OBI1: variants seen among roughly 807,000 people sequenced by gnomAD.
OBI1 encodes ring finger protein 219.
A neutral mutation model predicts 62.4 loss-of-function variants in OBI1; 59 were observed. That is an observed-to-expected ratio of 0.95 (90% confidence interval 0.77 to 1.17). The LOEUF (loss-of-function observed/expected upper bound fraction) is 1.17, where lower values mean the gene tolerates loss of function less well. Among genes scored for constraint, OBI1 ranks in the 50% most tolerant of loss-of-function variants. OBI1 has a pLI of 0.00. For missense variants in OBI1, 875 were observed against 830.9 expected (o/e 1.05, Z -0.65); for synonymous variants, 302 against 292.8 (o/e 1.03, Z -0.32).
chr13:78,642,171 C>T lies in OBI1; in HGVS notation c.251G>A (p.Arg84Lys), dbSNP rs1876236406. ...ESEPMLSHTV[R>K]KHLRKTRLEL... The stretch of plus-strand genomic sequence containing the variant: ...AAGTCTAGTTTTCCGAAGATGCTTC[C>T]TGACCGTATGGCTTAGCATAGGTTC... Residue 84 changes from arginine (R) to lysine (K), a missense_variant, in exon 3 of 6, where the codon AGG becomes AAG. Coordinates refer to ENST00000282003, the MANE Select transcript of OBI1 (RefSeq NM_024546.4). 1 of 1,610,790 alleles carries T rather than the reference C, an allele frequency of 6.2e-7. No homozygotes were observed. Among genetic ancestry groups the T allele is most frequent in the South Asian group, 1.1e-5 (1 of 90,918 alleles).
chr13:78,655,344 C>A (rs200325518), intron 1 of OBI1, among the ~76,000 whole-genome samples: 2 of 150,918 alleles, frequency 1.3e-5, no homozygotes, highest in African/African-American at 2.4e-5. Flanking sequence ...AACAAACAAA[C>A]AAAAAAAAAA....
chr13:78,627,436 C>G (rs1336594385), intron 5 of OBI1, among the ~76,000 whole-genome samples: 1 of 133,112 alleles, frequency 7.5e-6, no homozygotes, highest in East Asian at 2.0e-4. Context: ...TCAGCCCCCA[C>G]CCCTTAACGG....
intron 5 of OBI1, among the ~76,000 whole-genome samples, chr13:78,619,311 GCC>G (rs1491336550): frequency 2.0e-5 from 3 of 146,554 alleles, no homozygotes; most frequent in African/African-American, 7.8e-5. Flanking sequence ...TACTGTATTT[GCC>G]TCTCTCTCTC....
At chr13:78,657,741 T>C (rs989737808) in intron 1 of OBI1, among the ~76,000 whole-genome samples, 3 of 152,236 alleles carry the variant, frequency 2.0e-5, no homozygotes, top group Admixed American at 2.0e-4. Flanking sequence ...TTAAAGCCAG[T>C]GTTGGAGGAA....
At chr13:78,639,171 A>G in intron 3 of OBI1, 100 bp from the exon 4 acceptor site, 1 of 1,192,868 alleles carries the variant, frequency 8.4e-7, no homozygotes, top group East Asian at 2.4e-5. Flanking sequence ...TGTACTTAAA[A>G]TTCTGTAGAT....
intron 5 of OBI1, 130 bp downstream of exon 5, chr13:78,634,980 T>C: frequency 1.9e-6 from 1 of 536,298 alleles, no homozygotes. Context: ...AACTTGACTT[T>C]TAAAGGCAAG....
chr13:78,648,072 T>C (rs1330983573), intron 1 of OBI1, among the ~76,000 whole-genome samples: 2 of 152,118 alleles, frequency 1.3e-5, no homozygotes, highest in Non-Finnish European at 2.9e-5. Flanking sequence ...CTATAAAGTA[T>C]TCCTGGTCAG....
intron 5 of OBI1, among the ~76,000 whole-genome samples, chr13:78,632,969 G>A (rs1300711835): frequency 2.6e-5 from 4 of 152,194 alleles, no homozygotes; most frequent in Non-Finnish European, 5.9e-5. Context: ...AGTTTCCTCA[G>A]GTGAGATTCT....
intron 1 of OBI1, among the ~76,000 whole-genome samples, chr13:78,658,093 T>C (rs1404306874): frequency 6.6e-6 from 1 of 152,236 alleles, no homozygotes; most frequent in East Asian, 1.9e-4. Flanking sequence ...CAGATCGTAT[T>C]GGCCGGCACT....
intron 1 of OBI1, 97 bp from the exon 2 acceptor site, chr13:78,645,094 A>G: frequency 3.3e-6 from 4 of 1,204,694 alleles, no homozygotes; most frequent in Non-Finnish European, 4.7e-6. Flanking sequence ...AGATTATAGC[A>G]GAGTAGGAGT....
rs1566290429 is a variant in OBI1, at chr13:78,659,053, C to T, written c.68G>A (p.Gly23Glu). The T allele has an allele frequency of 1.9e-6, 3 of 1,613,006 alleles. No homozygotes were observed. The highest frequency in any genetic ancestry group is 2.5e-6 in the Non-Finnish European group (3 of 1,179,534). The change falls in exon 1 of 6, where the codon GGG becomes GAG. Residue 23 changes from glycine (G) to glutamate (E), a missense_variant. Coordinates refer to ENST00000282003, the MANE Select transcript of OBI1 (RefSeq NM_024546.4). ...GTGCCCACAATCACCCATTACCTTC[C>T]CCAAGCAAATGTGGCACGTGATGGG... ...TLPITCHICL[G>E]KVRQPVICIN...
intron 4 of OBI1, among the ~76,000 whole-genome samples, 196 bp downstream of exon 4, chr13:78,638,627 C>T (rs1260377764): frequency 6.6e-6 from 1 of 152,132 alleles, no homozygotes; most frequent in African/African-American, 2.4e-5. Context: ...ACACATGGAA[C>T]CACCTGATAT....
At chr13:78,653,742 C>G (rs1176680477) in intron 1 of OBI1, among the ~76,000 whole-genome samples, 1 of 152,150 alleles carries the variant, frequency 6.6e-6, no homozygotes, top group Non-Finnish European at 1.5e-5. Flanking sequence ...ACCAACTCCC[C>G]TGCTCTTCTG....
intron 1 of OBI1, among the ~76,000 whole-genome samples, chr13:78,654,475 T>C (rs375886960): frequency 1.3e-5 from 2 of 152,230 alleles, no homozygotes; most frequent in Non-Finnish European, 2.9e-5. Context: ...ATGGGCTCCA[T>C]GTACTGACGT....
intron 5 of OBI1, chr13:78,617,331 C>T: frequency 4.6e-6 from 2 of 439,276 alleles, no homozygotes; most frequent in Admixed American, 3.9e-5. Flanking sequence ...ATAGCAAAAC[C>T]TAATAGGATA....
chr13:78,635,053 G>T, intron 5 of OBI1, 57 bp downstream of exon 5: 1 of 1,015,436 alleles, frequency 9.8e-7, no homozygotes, highest in Non-Finnish European at 1.5e-6. Flanking sequence ...CCTCACAGCA[G>T]CCTAGTCTAA....
chr13:78,624,124 T>C (rs963213132), intron 5 of OBI1, among the ~76,000 whole-genome samples: 14 of 152,326 alleles, frequency 9.2e-5, no homozygotes, highest in African/African-American at 3.1e-4. Context: ...TGAGAAAAAC[T>C]AAATGCAAAA....
rs778312965 is a variant in OBI1, at chr13:78,638,986, T to A, written c.386A>T (p.Asp129Val). 1.2e-6 allele frequency: 2 copies of A among 1,613,982 alleles called. No homozygotes were observed. Among genetic ancestry groups the A allele is most frequent in the South Asian group, 2.2e-5 (2 of 91,080 alleles). Reference sequence around the variant, plus strand: ...GTTGCCCTGCACCAAGGTTAAAGGATCCAGAATAGTTTTGATCTGTGACTC... The same window carrying A: ...GTTGCCCTGCACCAAGGTTAAAGGAACCAGAATAGTTTTGATCTGTGACTC... ...SLESQIKTIL[D>V]PLTLVQGNQN... The change falls in exon 4 of 6, where the codon GAT becomes GTT. Residue 129 changes from aspartate to valine, a missense_variant. Coordinates refer to ENST00000282003, the MANE Select transcript of OBI1 (RefSeq NM_024546.4).
chr13:78,634,891 A>C (rs1875972484), intron 5 of OBI1, among the ~76,000 whole-genome samples: 1 of 152,230 alleles, frequency 6.6e-6, no homozygotes, highest in African/African-American at 2.4e-5. Context: ...ACCAGATAAG[A>C]AAAAAGTACA....
Sources: gnomAD v4.1 joint callset for allele counts (sites outside exome capture counted in the v4.1 genomes callset) on GRCh38, gnomAD v4.1.1 for gene constraint, MANE v1.5 for transcripts, NCBI Gene and HGNC (gene_info 2026-07-23, HGNC 2026-07-21) for gene names.